The following FAM118A variants were observed in gnomAD, a reference collection of about 807,000 sequenced individuals.
FAM118A encodes SIR2 antiphage like 2.
FAM118A carries 25 observed loss-of-function variants against 38.2 expected under a neutral mutation model. That is an observed-to-expected ratio of 0.65 (90% CI 0.48 to 0.91). The LOEUF (loss-of-function observed/expected upper bound fraction) is 0.91, where lower values mean the gene tolerates loss of function less well. Among genes scored for constraint, FAM118A ranks in the 40% least tolerant of loss-of-function variants. FAM118A has a pLI of 0.00. For synonymous variants in FAM118A, 178 were observed against 184.1 expected (o/e 0.97, Z 0.27); for missense variants, 425 against 463.3 (o/e 0.92, Z 0.76).
At chr22:45,321,363 T>C (rs187809566) in intron 1 of FAM118A, among the ~76,000 whole-genome samples, 21 of 152,292 alleles carry the variant, frequency 1.4e-4, no homozygotes, top group African/African-American at 4.8e-4. Flanking sequence ...ACAGTAGATA[T>C]TATTTCTAGA....
chr22:45,333,687 A>AAG (rs1273240252), intron 6 of FAM118A, among the ~76,000 whole-genome samples: 1 of 151,212 alleles, frequency 6.6e-6, no homozygotes, highest in East Asian at 1.9e-4. Context: ...AAAAAAAAAA[A>AAG]AAAAAGAGCT....
At chr22:45,328,522 C>T in intron 4 of FAM118A, 1 of 748,786 alleles carries the variant, frequency 1.3e-6, no homozygotes, top group South Asian at 1.4e-5. Flanking sequence ...GTCCCCGCTA[C>T]TGGGGAGGCC....
chr22:45,314,143 T>C (rs1264370444), intron 1 of FAM118A, among the ~76,000 whole-genome samples: 1 of 152,186 alleles, frequency 6.6e-6, no homozygotes, highest in African/African-American at 2.4e-5. Context: ...AGCATCTCCT[T>C]GTCAGGAAAA....
chr22:45,328,539 G>A (rs1601947215), intron 4 of FAM118A: 1 of 722,564 alleles, frequency 1.4e-6, no homozygotes, highest in Admixed American at 2.0e-5. Context: ...GGCCGAGGTG[G>A]GAGGATTGCT....
chr22:45,319,272 T>C (rs1268251383), intron 1 of FAM118A, among the ~76,000 whole-genome samples: 2 of 152,150 alleles, frequency 1.3e-5, no homozygotes, highest in African/African-American at 2.4e-5. Flanking sequence ...TAAAATGTCG[T>C]GTACAGACGG....
intron 1 of FAM118A, among the ~76,000 whole-genome samples, chr22:45,311,543 G>A (rs944351506): frequency 6.6e-6 from 1 of 152,166 alleles, no homozygotes; most frequent in African/African-American, 2.4e-5. Flanking sequence ...TTTGAGGTGG[G>A]AGTGACAAGA....
intron 3 of FAM118A, among the ~76,000 whole-genome samples, chr22:45,324,339 C>T (rs1341939555): frequency 1.3e-5 from 2 of 152,128 alleles, no homozygotes; most frequent in African/African-American, 2.4e-5. Context: ...AGGCAGCTTC[C>T]GTCGGGTGCC....
intron 6 of FAM118A, chr22:45,334,952 G>A (rs1267452555): frequency 2.1e-5 from 4 of 186,512 alleles, no homozygotes; most frequent in Admixed American, 5.8e-5. Context: ...TCCCTTTCCA[G>A]GTTGGGGCAG....
intron 5 of FAM118A, 26 bp downstream of exon 5, chr22:45,330,757 G>A: frequency 6.6e-7 from 1 of 1,506,268 alleles, no homozygotes; most frequent in South Asian, 1.3e-5. Flanking sequence ...ATTAGCATCG[G>A]TGCGTCCTCT....
intron 7 of FAM118A, 112 bp downstream of exon 7, chr22:45,335,494 T>C (rs1306875119): frequency 7.8e-7 from 1 of 1,278,578 alleles, no homozygotes; most frequent in African/African-American, 1.5e-5. Flanking sequence ...ATAATTAGCT[T>C]GTATTAAAAC....
chr22:45,328,442 T>C lies in FAM118A; in HGVS notation c.522+379T>C, dbSNP rs751782823. The stretch of plus-strand genomic sequence containing the variant: ...TGCAGGTGTGGGGAGTTCTGTGCCC[T>C]GGGAGCTGCTCTCACTTTGTAGCAG... On this transcript the variant is annotated intron_variant, in intron 4 of 8. Coordinates refer to ENST00000441876, the MANE Select transcript of FAM118A (RefSeq NM_017911.4). 18 of 949,014 alleles carry C rather than the reference T, an allele frequency of 1.9e-5. 1 individual carries two copies. Among genetic ancestry groups the C allele is most frequent in the Non-Finnish European group, 2.9e-5 (16 of 560,326 alleles). 58.8% of individuals were successfully genotyped at this position (949,014 alleles called of 1,614,324 possible). A position where few individuals can be genotyped will look rare whatever the true frequency, so the allele number is the denominator to read the frequency against.
At position 45,310,840 on chromosome 22, in the gene FAM118A, C is replaced by G. The variant is rs544708605; in HGVS notation, c.-10+657C>G. Among the ~76,000 whole-genome samples, 81 of 152,048 alleles carry G rather than the reference C, an allele frequency of 5.3e-4. 2 individuals are homozygous for G. In the East Asian group the frequency reaches 0.015, roughly 29 times the overall value. On this transcript the variant is annotated intron_variant, in intron 1 of 8. Transcript: ENST00000441876. The stretch of plus-strand genomic sequence containing the variant: ...GAGACCTGAGGTGGCCGAGGGCGGC[C>G]GAACCGGGGAGGGAGCGAGTTAGGG...
intron 6 of FAM118A, 187 bp from the exon 7 acceptor site, chr22:45,335,163 C>G: frequency 1.7e-6 from 1 of 601,706 alleles, no homozygotes; most frequent in Non-Finnish European, 2.9e-6. Context: ...TTCAGCGAGT[C>G]CTCGCACCAA....
chr22:45,338,291 G>C (rs569745642), intron 8 of FAM118A, among the ~76,000 whole-genome samples: 1 of 151,936 alleles, frequency 6.6e-6, no homozygotes, highest in Admixed American at 6.6e-5. Flanking sequence ...GTGCAGTGGC[G>C]CGATCTCGGC....
At position 45,341,737 on chromosome 22, in the gene FAM118A, C is replaced by G. The variant is rs2086462901; in HGVS notation, c.*1332C>G. 6.6e-6 allele frequency: 1 copy of G among 152,210 alleles called. No homozygotes were observed. Among genetic ancestry groups the G allele is most frequent in the South Asian group, 2.1e-4 (1 of 4,822 alleles). 9.4% of individuals were successfully genotyped at this position (152,210 alleles called of 1,614,324 possible). On this transcript the variant is annotated 3_prime_UTR_variant, in exon 9 of 9. Coordinates refer to ENST00000441876, the MANE Select transcript of FAM118A (RefSeq NM_017911.4). The stretch of plus-strand genomic sequence containing the variant: ...GGAAACAAACAGCCCTGCTTGGTTT[C>G]AGTTTGAGGCCACTTATCTTCAATG...
At chr22:45,316,418 T>C (rs895679654) in intron 1 of FAM118A, among the ~76,000 whole-genome samples, 1 of 152,170 alleles carries the variant, frequency 6.6e-6, no homozygotes, top group East Asian at 1.9e-4. Context: ...AAAAAGGAAG[T>C]TTGTGGGAAT....
chr22:45,316,197 A>G (rs1407696735), intron 1 of FAM118A, among the ~76,000 whole-genome samples: 1 of 151,916 alleles, frequency 6.6e-6, no homozygotes, highest in Non-Finnish European at 1.5e-5. Flanking sequence ...GCACCACCAT[A>G]CCTGGCTTAT....
chr22:45,335,214 TCCGCAGCCCGC>T, intron 6 of FAM118A, 125 bp from the exon 7 acceptor site: 1 of 851,860 alleles, frequency 1.2e-6, no homozygotes. Flanking sequence ...AGCGCAGGAG[TCCGCAGCCCGC>T]GCGGGCTGAC....
intron 1 of FAM118A, among the ~76,000 whole-genome samples, chr22:45,319,881 GT>G (rs1230147884): frequency 2.0e-5 from 3 of 152,198 alleles, no homozygotes; most frequent in Non-Finnish European, 2.9e-5. Context: ...ACAGGCATCT[GT>G]GAGCCTCGTT....
Sources: allele counts gnomAD v4.1 joint callset (sites outside exome capture counted in the v4.1 genomes callset), GRCh38; gene constraint gnomAD v4.1.1; transcripts MANE v1.5; gene names NCBI Gene and HGNC (gene_info 2026-07-23, HGNC 2026-07-21).